The following CRTAC1 variants were observed in gnomAD, a reference collection of about 807,000 sequenced individuals.
CRTAC1 encodes the protein cartilage acidic protein 1.
In CRTAC1, 37 loss-of-function variants were observed where a neutral mutation model predicts 67.8. The ratio of observed to expected loss-of-function variants is 0.55; its 90% CI spans 0.42 to 0.72. The LOEUF (loss-of-function observed/expected upper bound fraction) is 0.72, where lower values mean the gene tolerates loss of function less well. Among genes scored for constraint, CRTAC1 ranks in the 30% least tolerant of loss-of-function variants. The probability of loss-of-function intolerance (pLI) is 0.00; values close to 1 mark genes in which losing one functional copy is unlikely to be tolerated. For synonymous variants in CRTAC1, 348 were observed against 371.0 expected, an observed-to-expected ratio of 0.94 and a Z score of 0.71; for missense variants, 780 against 931.6, an observed-to-expected ratio of 0.84 and a Z score of 2.12.
chr10:97,921,585 C>T (rs1341869257), intron 4 of CRTAC1, among the ~76,000 whole-genome samples: 4 of 152,168 alleles, frequency 2.6e-5, no homozygotes, highest in African/African-American at 4.8e-5. Flanking sequence ...CAGCATAAGG[C>T]TCGGCATGTC....
intron 1 of CRTAC1, among the ~76,000 whole-genome samples, chr10:98,011,816 A>G (rs1337752932): frequency 6.6e-6 from 1 of 152,186 alleles, no homozygotes; most frequent in Non-Finnish European, 1.5e-5. Context: ...TGGGGAGGGA[A>G]AGGTATAAAT....
chr10:97,873,519 G>T (rs1210511269), intron 14 of CRTAC1, among the ~76,000 whole-genome samples: 8 of 152,184 alleles, frequency 5.3e-5, no homozygotes, highest in Admixed American at 5.2e-4. Context: ...TTGTCCTTCT[G>T]CCATGGTCTC....
chr10:97,992,904 T>C (rs975385686), intron 2 of CRTAC1, among the ~76,000 whole-genome samples: 1 of 152,226 alleles, frequency 6.6e-6, no homozygotes, highest in Admixed American at 6.5e-5. Flanking sequence ...ATGTATTGTA[T>C]TCTCCAAAAT....
At chr10:97,891,141 T>C (rs767246115) in intron 11 of CRTAC1, among the ~76,000 whole-genome samples, 5 of 152,230 alleles carry the variant, frequency 3.3e-5, no homozygotes, top group Admixed American at 2.0e-4. Flanking sequence ...AGTCACTAAA[T>C]GAATCAAATG....
chr10:97,983,447 A>ATAT (rs1015971442), intron 2 of CRTAC1, among the ~76,000 whole-genome samples: 1 of 151,804 alleles, frequency 6.6e-6, no homozygotes, highest in African/African-American at 2.4e-5. Context: ...GTTACAGAAC[A>ATAT]AATAAATAAT....
At chr10:97,919,906 A>AT (rs58025510) in intron 4 of CRTAC1, among the ~76,000 whole-genome samples, 128 of 139,762 alleles carry the variant, frequency 9.2e-4, no homozygotes, top group African/African-American at 2.0e-3. Flanking sequence ...CACCCAGCTA[A>AT]TTTTTTTTTT....
At chr10:97,977,905 G>A (rs962539950) in intron 2 of CRTAC1, among the ~76,000 whole-genome samples, 7 of 152,154 alleles carry the variant, frequency 4.6e-5, no homozygotes, top group African/African-American at 1.7e-4. Flanking sequence ...ATTCACACCA[G>A]CCTGGACTCC....
At chr10:97,972,336 G>GTC (rs1564918173) in intron 2 of CRTAC1, among the ~76,000 whole-genome samples, 2 of 152,174 alleles carry the variant, frequency 1.3e-5, no homozygotes, top group Admixed American at 6.5e-5. Flanking sequence ...TGTTATAAGG[G>GTC]AACAGGGTGT....
intron 1 of CRTAC1, among the ~76,000 whole-genome samples, chr10:98,015,408 A>C (rs1390881270): frequency 6.6e-6 from 1 of 152,188 alleles, no homozygotes; most frequent in East Asian, 1.9e-4. Context: ...AAGATGAAGA[A>C]GTTCTGAAGG....
intron 5 of CRTAC1, among the ~76,000 whole-genome samples, chr10:97,914,773 A>T (rs1045137681): frequency 2.0e-5 from 3 of 152,100 alleles, no homozygotes; most frequent in African/African-American, 7.2e-5. Flanking sequence ...AGCTCCCGGC[A>T]CTGTCCCGGC....
At chr10:98,025,799 G>T (rs1477240888) in intron 1 of CRTAC1, among the ~76,000 whole-genome samples, 1 of 152,194 alleles carries the variant, frequency 6.6e-6, no homozygotes, top group Admixed American at 6.5e-5. Flanking sequence ...TCCAAGGAAG[G>T]CTTCTCCCAG....
chr10:97,969,172 A>T (rs969825674), intron 2 of CRTAC1, among the ~76,000 whole-genome samples: 1 of 152,130 alleles, frequency 6.6e-6, no homozygotes, highest in Non-Finnish European at 1.5e-5. Flanking sequence ...TTTTTGGCCA[A>T]CGATGCCTGT....
chr10:97,905,382 T>C (rs2050597928), intron 6 of CRTAC1, among the ~76,000 whole-genome samples: 1 of 152,280 alleles, frequency 6.6e-6, no homozygotes, highest in Admixed American at 6.5e-5. Context: ...CCTCTAGCTC[T>C]AGGTTACCCA....
intron 2 of CRTAC1, among the ~76,000 whole-genome samples, chr10:97,956,876 A>G (rs1448034671): frequency 2.0e-5 from 3 of 151,800 alleles, no homozygotes; most frequent in Non-Finnish European, 4.4e-5. Flanking sequence ...GTGTGATCTC[A>G]GCACACTGCA....
At chr10:97,945,619 T>G (rs2051252075) in intron 2 of CRTAC1, among the ~76,000 whole-genome samples, 1 of 152,154 alleles carries the variant, frequency 6.6e-6, no homozygotes, top group Admixed American at 6.5e-5. Context: ...CTGGGCGTGA[T>G]GAGAAATCTG....
chr10:97,896,059 G>T, intron 9 of CRTAC1, 74 bp from the exon 10 acceptor site: 1 of 1,350,536 alleles, frequency 7.4e-7, no homozygotes, highest in Non-Finnish European at 1.1e-6. Flanking sequence ...CCAACCAAGT[G>T]CAGTATCCAC....
At chr10:97,950,242 CACACAGAGAGAGAGAGAGAGAG>C (rs1232670337) in intron 2 of CRTAC1, among the ~76,000 whole-genome samples, 4 of 117,506 alleles carry the variant, frequency 3.4e-5, no homozygotes, top group African/African-American at 1.3e-4. Context: ...TGCACACACA[CACACAGAGAGAGAGAGAGAGAG>C]AGAGAGAGAG....
chr10:97,895,497 G>A lies in CRTAC1; in HGVS notation c.1318-84C>T. ...CAGGGAGCCAGGGAGGACGGGAGGG[G>A]GAGAGGGAGAAGAAGGAGGAAGAGA... On this transcript the variant is annotated intron_variant, in intron 10 of 14. Transcript: ENST00000370597. This position sits in a 1 kb window ranked among gnomAD's most constrained non-coding sequence, Gnocchi z 4.2. 8.1e-7 allele frequency: 1 copy of A among 1,237,802 alleles called. No individual in the cohort carries two copies. The highest frequency in any genetic ancestry group is 1.1e-6 in the Non-Finnish European group (1 of 893,308). 76.7% of individuals were successfully genotyped at this position (1,237,802 alleles called of 1,614,324 possible).
At chr10:97,915,593 G>A (rs1422323491) in intron 5 of CRTAC1, among the ~76,000 whole-genome samples, 2 of 152,114 alleles carry the variant, frequency 1.3e-5, no homozygotes, top group African/African-American at 2.4e-5. Context: ...TCAGCATGGC[G>A]GCCCTTACAT....
Sources: allele counts gnomAD v4.1 joint callset (sites outside exome capture counted in the v4.1 genomes callset), GRCh38; gene constraint gnomAD v4.1.1; non-coding constraint Gnocchi (gnomAD v3.1); transcripts MANE v1.5; gene names NCBI Gene and HGNC (gene_info 2026-07-23, HGNC 2026-07-21).